Variants in ADA observed in about 807,000 individuals in gnomAD.
ADA encodes adenosine aminohydrolase.
A neutral mutation model predicts 49.0 loss-of-function variants in ADA; 45 were observed. The observed-to-expected ratio is 0.92, with a 90% CI of 0.72 to 1.18. ADA has a LOEUF of 1.18. Ranked by LOEUF, ADA falls within the 50% of genes most tolerant of loss-of-function variation. ADA has a pLI of 0.00. For missense variants in ADA, 445 were observed against 472.5 expected (o/e 0.94, Z 0.54); for synonymous variants, 173 against 184.2 (o/e 0.94, Z 0.49).
intron 1 of ADA, among the ~76,000 whole-genome samples, chr20:44,646,791 C>T (rs908782959): frequency 6.6e-6 from 1 of 151,970 alleles, no homozygotes; most frequent in East Asian, 1.9e-4. Flanking sequence ...CTCTTCCCCC[C>T]ACACTGCCCC....
chr20:44,621,769 C>G (rs79638097), intron 9 of ADA, among the ~76,000 whole-genome samples: 7,934 of 152,246 alleles, frequency 0.052, 289 homozygotes, highest in South Asian at 0.14. Flanking sequence ...TGGGTTCTAT[C>G]CTAGGCCCTT....
At chr20:44,647,156 C>T (rs985539514) in intron 1 of ADA, among the ~76,000 whole-genome samples, 21 of 152,012 alleles carry the variant, frequency 1.4e-4, no homozygotes, top group African/African-American at 9.7e-5. Flanking sequence ...GTCCCTTGGC[C>T]GGGTGCGGTG....
intron 1 of ADA, among the ~76,000 whole-genome samples, chr20:44,643,739 C>A (rs895340127): frequency 6.6e-6 from 1 of 152,202 alleles, no homozygotes; most frequent in African/African-American, 2.4e-5. Context: ...TGCCTTTGCT[C>A]TCTGCAAGGC....
At chr20:44,636,558 C>T (rs570936474) in intron 1 of ADA, among the ~76,000 whole-genome samples, 29 of 152,216 alleles carry the variant, frequency 1.9e-4, no homozygotes, top group South Asian at 4.1e-4. Flanking sequence ...AATATCTCAT[C>T]CAAGGCCACA....
Position 44,622,689 on chromosome 20 carries a change from CA to C in ADA, c.781-38del, listed in dbSNP as rs746370947. 2.5e-6 allele frequency: 4 copies of C among 1,613,764 alleles called. No individual in the cohort carries two copies. The African/African-American group carries it at 5.3e-5, about 22-fold the overall frequency. On this transcript the variant is annotated intron_variant, in intron 8 of 11. Coordinates refer to ENST00000372874, the MANE Select transcript of ADA (RefSeq NM_000022.4). ...GGTGTGTGGCTGGCAGGGATGGCCC[CA>C]GGCCATGCTGATTCCTCCCCCCATG... is the stretch of plus-strand genomic sequence containing the variant.
chr20:44,646,466 G>C (rs979783392), intron 1 of ADA, among the ~76,000 whole-genome samples: 44 of 150,880 alleles, frequency 2.9e-4, no homozygotes, highest in African/African-American at 1.1e-3. Context: ...AAGGAGGAGG[G>C]AGGAGGGAGA....
chr20:44,623,386 C>T (rs372880523), intron 6 of ADA, among the ~76,000 whole-genome samples: 2 of 152,244 alleles, frequency 1.3e-5, no homozygotes, highest in East Asian at 1.9e-4. Flanking sequence ...CAAGGTCAGA[C>T]AGGAAGTGTG....
rs117008912 is a variant in ADA, at chr20:44,646,238, C to T, written c.33+5337G>A. ...TGCCTCCCTGTGTGAACACAGACCACTTCCTCTCTCTGATCCTCCCTTCCT... is the reference window on the plus strand; with the variant it reads ...TGCCTCCCTGTGTGAACACAGACCATTTCCTCTCTCTGATCCTCCCTTCCT... On this transcript the variant is annotated intron_variant, in intron 1 of 11. Transcript: ENST00000372874. Among the ~76,000 whole-genome samples the T allele has an allele frequency of 3.9e-4, 59 of 152,346 alleles. No homozygotes were observed. The East Asian group carries it at 5.8e-3, about 15-fold the overall frequency.
intron 6 of ADA, 41 bp from the exon 7 acceptor site, chr20:44,623,119 G>C: frequency 6.2e-7 from 1 of 1,612,480 alleles, no homozygotes; most frequent in African/African-American, 1.3e-5. Flanking sequence ...CCTAGCGGGA[G>C]GGCCCCGGCA....
At chr20:44,626,434 C>T (rs1424019806) in intron 4 of ADA, 22 bp downstream of exon 4, 1 of 1,613,294 alleles carries the variant, frequency 6.2e-7, no homozygotes, top group African/African-American at 1.3e-5. Flanking sequence ...TCAGCATGGC[C>T]CCTTCCAGGC....
Position 44,619,581 on chromosome 20 carries a change from CAGA to C in ADA, c.*250_*252del. ...ACCAGATTTTCAGTACAAGTTGCCA[CAGA>C]AGGAGGGTTTCAGATTCAACCATGC... On this transcript the variant is annotated 3_prime_UTR_variant, in exon 12 of 12. Transcript: ENST00000372874. The C allele has an allele frequency of 2.0e-6, 1 of 502,558 alleles. No individual in the cohort carries two copies. Among genetic ancestry groups the C allele is most frequent in the Admixed American group, 3.3e-5 (1 of 30,570 alleles). 31.1% of individuals were successfully genotyped at this position (502,558 alleles called of 1,614,324 possible). A position where few individuals can be genotyped will look rare whatever the true frequency, so the allele number is the denominator to read the frequency against.
At chr20:44,631,610 G>A (rs1211063096) in intron 2 of ADA, among the ~76,000 whole-genome samples, 2 of 152,192 alleles carry the variant, frequency 1.3e-5, no homozygotes, top group East Asian at 1.9e-4. Context: ...CGCCAGCCAT[G>A]TGCGATTCTC....
intron 1 of ADA, among the ~76,000 whole-genome samples, chr20:44,638,000 CCT>C (rs1241931408): frequency 6.6e-6 from 1 of 152,196 alleles, no homozygotes; most frequent in African/African-American, 2.4e-5. Context: ...ACTCTCTGAG[CCT>C]CTGTTTTCTA....
chr20:44,648,668 A>G (rs937796966), intron 1 of ADA, among the ~76,000 whole-genome samples: 4 of 151,998 alleles, frequency 2.6e-5, no homozygotes, highest in Non-Finnish European at 5.9e-5. Context: ...TACCTCTTCC[A>G]AAGAAGGTAG....
At chr20:44,622,483 C>T in intron 9 of ADA, 105 bp downstream of exon 9, 4 of 1,372,398 alleles carry the variant, frequency 2.9e-6, no homozygotes, top group South Asian at 1.2e-5. Flanking sequence ...GAAGAGATTT[C>T]ATATCTAAAA....
Position 44,619,808 on chromosome 20 carries a change from G to A in ADA, c.*26C>T, listed in dbSNP as rs371364442. 3.2e-5 allele frequency: 51 copies of A among 1,614,052 alleles called. No individual in the cohort carries two copies. The highest frequency in any genetic ancestry group is 4.1e-5 in the Non-Finnish European group (48 of 1,180,024). On this transcript the variant is annotated 3_prime_UTR_variant, in exon 12 of 12. Transcript: ENST00000372874. The stretch of plus-strand genomic sequence containing the variant: ...CCACAGAGTTGGGGTGACTCCACAG[G>A]GTGAAGGCTTGGAGGAGTGGCGTCT...
intron 2 of ADA, chr20:44,635,931 G>A: frequency 2.2e-6 from 1 of 445,572 alleles, no homozygotes; most frequent in Non-Finnish European, 4.1e-6. Flanking sequence ...TCAGCCCTGG[G>A]AACTACCTTC....
chr20:44,635,994 C>T (rs1389496618), intron 2 of ADA: 1 of 568,558 alleles, frequency 1.8e-6, no homozygotes, highest in African/African-American at 1.9e-5. Context: ...GCTCACCTGA[C>T]ACCAGGAGGA....
intron 1 of ADA, among the ~76,000 whole-genome samples, chr20:44,648,905 C>G (rs1179747300): frequency 6.6e-6 from 1 of 152,014 alleles, no homozygotes; most frequent in African/African-American, 2.4e-5. Flanking sequence ...AAAGCGCTGC[C>G]CTGCTCTGCT....
Sources: gnomAD v4.1 joint callset for allele counts (sites outside exome capture counted in the v4.1 genomes callset) on GRCh38, gnomAD v4.1.1 for gene constraint, MANE v1.5 for transcripts, NCBI Gene and HGNC (gene_info 2026-07-23, HGNC 2026-07-21) for gene names.